Variants in ATP11A observed in about 807,000 individuals in gnomAD.
ATP11A encodes ATPase phospholipid transporting 11A.
In ATP11A, 81 loss-of-function variants were observed where a neutral mutation model predicts 154.4. The ratio of observed to expected loss-of-function variants is 0.52; its 90% CI spans 0.44 to 0.63. The LOEUF is 0.63. Ranked by LOEUF, ATP11A falls within the 30% of genes least tolerant of loss-of-function variation. ATP11A has a pLI of 0.00. For missense variants in ATP11A, 1,316 were observed against 1,474.3 expected (o/e 0.89, Z 1.76); for synonymous variants, 623 against 585.9 (o/e 1.06, Z -0.91).
intron 1 of ATP11A, among the ~76,000 whole-genome samples, chr13:112,737,675 C>T (rs955682010): frequency 1.3e-5 from 2 of 152,194 alleles, no homozygotes; most frequent in South Asian, 2.1e-4. Flanking sequence ...ATGGAAACCT[C>T]GGAGGGTTTT....
At chr13:112,711,483 A>G (rs1413263856) in intron 1 of ATP11A, among the ~76,000 whole-genome samples, 1 of 151,922 alleles carries the variant, frequency 6.6e-6, no homozygotes, top group Admixed American at 6.6e-5. Context: ...CTCAAAGGGG[A>G]GGAACCTGAG....
Position 112,819,356 on chromosome 13 carries a change from G to A in ATP11A, c.623G>A (p.Gly208Asp). 2 of 1,614,206 alleles carry A rather than the reference G, an allele frequency of 1.2e-6. No individual in the cohort carries two copies. The highest frequency in any genetic ancestry group is 1.7e-6 in the Non-Finnish European group (2 of 1,180,044). ...GGCTTCCACACAGAGGAGGATATCG[G>A]CGGACTTCACGCCACCATCGAGTGT... ...TKGFHTEEDIGGLHATIECEQ... is the reference protein window; with the variant it reads ...TKGFHTEEDIDGLHATIECEQ... Residue 208 changes from glycine (G) to aspartate (D), a missense_variant, in exon 7 of 30, where the codon GGC (glycine) becomes GAC (aspartate). Physicochemically the swap from Gly to Asp is moderately conservative, Grantham distance 94 (BLOSUM62 -1). Coordinates refer to ENST00000375645, the MANE Select transcript of ATP11A (RefSeq NM_015205.3).
At chr13:112,777,843 C>A (rs191016560) in intron 1 of ATP11A, among the ~76,000 whole-genome samples, 3 of 151,610 alleles carry the variant, frequency 2.0e-5, no homozygotes, top group Non-Finnish European at 4.4e-5. Flanking sequence ...GAAGCCCTGC[C>A]GCTCCCTCCC....
At chr13:112,725,877 G>A (rs1889804686) in intron 1 of ATP11A, among the ~76,000 whole-genome samples, 1 of 152,224 alleles carries the variant, frequency 6.6e-6, no homozygotes, top group South Asian at 2.1e-4. Context: ...GAGAGACTCA[G>A]GAGCCCCTCC....
intron 16 of ATP11A, among the ~76,000 whole-genome samples, chr13:112,840,219 C>T (rs1201624530): frequency 2.8e-5 from 3 of 105,452 alleles, no homozygotes; most frequent in Admixed American, 8.9e-5. Context: ...CCTCAGCCTC[C>T]CCACTCTCCC....
intron 5 of ATP11A, among the ~76,000 whole-genome samples, chr13:112,812,832 T>C (rs1045368752): frequency 5.3e-5 from 8 of 152,248 alleles, no homozygotes; most frequent in Non-Finnish European, 1.0e-4. Flanking sequence ...CAGATGGCCC[T>C]GGCCTGGGGA....
chr13:112,701,505 G>A (rs563351218), intron 1 of ATP11A, among the ~76,000 whole-genome samples: 1 of 152,144 alleles, frequency 6.6e-6, no homozygotes, highest in Non-Finnish European at 1.5e-5. Flanking sequence ...GTCCACAGTG[G>A]GTATTCAGCA....
intron 1 of ATP11A, among the ~76,000 whole-genome samples, chr13:112,778,857 TGAG>T (rs1447791068): frequency 0.022 from 573 of 26,200 alleles, 20 homozygotes; most frequent in African/African-American, 0.039. Context: ...GCCGCTGGAG[TGAG>T]GAGTAGCCAC....
chr13:112,866,936 A>G, intron 25 of ATP11A, among the ~76,000 whole-genome samples: 1 of 152,124 alleles, frequency 6.6e-6, no homozygotes, highest in East Asian at 1.9e-4. Flanking sequence ...CATTTATTTT[A>G]ATTGAATAAT....
Position 112,860,402 on chromosome 13 carries a change from C to T in ATP11A, c.2843C>T (p.Pro948Leu), listed in dbSNP as rs375301268. 8 of 1,613,980 alleles carry T rather than the reference C, an allele frequency of 5.0e-6. No individual in the cohort carries two copies. The highest frequency in any genetic ancestry group is 2.2e-5 in the South Asian group (2 of 91,080). The change falls in exon 24 of 30, where the codon CCG becomes CTG. Residue 948 changes from proline (P) to leucine (L), a missense_variant. Physicochemically the swap from Pro to Leu is moderately conservative, Grantham distance 98. Around this residue, in one of 5 missense-constraint regions of ATP11A, gnomAD observed 294 missense variants for 290.2 expected, o/e 1.01. Transcript: ENST00000375645. ...HVGIDVLKRD[P>L]TLYRDVAKNA... ...GGCATTGACGTGCTCAAGAGAGACC[C>T]GACCCTGTACAGGTACCATCCTCCA...
intron 14 of ATP11A, 123 bp downstream of exon 14, chr13:112,833,146 G>C (rs2079143526): frequency 1.6e-6 from 2 of 1,274,496 alleles, no homozygotes; most frequent in Non-Finnish European, 1.1e-6. Context: ...ACACTGAGCT[G>C]TGCTGCCTTT....
intron 1 of ATP11A, among the ~76,000 whole-genome samples, chr13:112,756,880 C>T: frequency 6.6e-6 from 1 of 151,754 alleles, no homozygotes. Flanking sequence ...TGGTCTGCTC[C>T]CAGCACGGGG....
Position 112,859,566 on chromosome 13 carries a change from G to T in ATP11A, c.2727+114G>T. 1.1e-6 allele frequency: 1 copy of T among 924,226 alleles called. No individual in the cohort carries two copies. The highest frequency in any genetic ancestry group is 1.8e-6 in the Non-Finnish European group (1 of 562,046). The allele number at this position is 924,226 out of a possible 1,614,324, so 57.3% of individuals were successfully genotyped here. A position where few individuals can be genotyped will look rare whatever the true frequency, so the allele number is the denominator to read the frequency against. On this transcript the variant is annotated intron_variant, in intron 23 of 29. Coordinates refer to ENST00000375645, the MANE Select transcript of ATP11A (RefSeq NM_015205.3). This position sits in a 1 kb window ranked among gnomAD's most constrained non-coding sequence, Gnocchi z 4.3. ...AATGAGCAGCACTCCCCGGCACCAC[G>T]AGGGAGCCAGGGTGCCCAGCAGCAG... is the stretch of plus-strand genomic sequence containing the variant.
rs117536781 is a variant in ATP11A, at chr13:112,732,984, C to T, written c.39+42529C>T. Among the ~76,000 whole-genome samples the T allele has an allele frequency of 5.8e-4, 89 of 152,262 alleles. No homozygotes were observed. The East Asian group carries it at 0.017, about 29-fold the overall frequency. On this transcript the variant is annotated intron_variant, in intron 1 of 29. Coordinates refer to ENST00000375645, the MANE Select transcript of ATP11A (RefSeq NM_015205.3). ...TGTTGAATTACAGTTTTGATTAAAA[C>T]CCTTCTATTTTAGAGTTGGAGCAAT... is the stretch of plus-strand genomic sequence containing the variant.
At chr13:112,784,120 G>A (rs1157074836) in intron 1 of ATP11A, among the ~76,000 whole-genome samples, 1 of 152,244 alleles carries the variant, frequency 6.6e-6, no homozygotes, top group Non-Finnish European at 1.5e-5. Flanking sequence ...CTCCCTGACT[G>A]CCCCTGCAGA....
intron 1 of ATP11A, among the ~76,000 whole-genome samples, chr13:112,755,688 T>G (rs1312741843): frequency 6.7e-6 from 1 of 149,970 alleles, no homozygotes; most frequent in African/African-American, 2.5e-5. Context: ...CCAGAACCAT[T>G]TCCGGTCACG....
chr13:112,803,295 T>A (rs1296306547), intron 2 of ATP11A, among the ~76,000 whole-genome samples: 2 of 152,354 alleles, frequency 1.3e-5, no homozygotes, highest in Admixed American at 1.3e-4. Context: ...CATACCAGGC[T>A]TTAGTTGTTA....
At chr13:112,802,259 T>G (rs2078156153) in intron 2 of ATP11A, among the ~76,000 whole-genome samples, 1 of 151,614 alleles carries the variant, frequency 6.6e-6, no homozygotes, top group Non-Finnish European at 1.5e-5. Context: ...GGCAGGAGAA[T>G]GGCGCGAACC....
At chr13:112,709,772 G>A (rs142911820) in intron 1 of ATP11A, among the ~76,000 whole-genome samples, 4 of 152,346 alleles carry the variant, frequency 2.6e-5, no homozygotes, top group East Asian at 1.9e-4. Flanking sequence ...AGCTGCGCCC[G>A]ACCACCTTGG....
Sources: gnomAD v4.1 joint callset for allele counts (sites outside exome capture counted in the v4.1 genomes callset) on GRCh38, gnomAD v4.1.1 for gene constraint, gnomAD v4.1.1 regional missense constraint, Gnocchi (gnomAD v3.1) non-coding constraint, MANE v1.5 for transcripts, NCBI Gene and HGNC (gene_info 2026-07-23, HGNC 2026-07-21) for gene names.